Variants in CUL2 observed in about 807,000 individuals in gnomAD.
The protein encoded by CUL2 is cullin-2.
Under a neutral mutation model 110.2 loss-of-function variants are expected in CUL2, and 22 were observed. The ratio of observed to expected loss-of-function variants is 0.20; its 90% CI spans 0.14 to 0.28. The LOEUF (loss-of-function observed/expected upper bound fraction) is 0.28, where lower values mean the gene tolerates loss of function less well. Ranked by LOEUF, CUL2 falls within the 10% of genes least tolerant of loss-of-function variation. The probability of loss-of-function intolerance (pLI) is 1.00; values close to 1 mark genes in which losing one functional copy is unlikely to be tolerated. For synonymous variants in CUL2, 279 were observed against 293.2 expected, an observed-to-expected ratio of 0.95 and a Z score of 0.49; for missense variants, 631 against 905.5, an observed-to-expected ratio of 0.70 and a Z score of 3.89.
At chr10:35,110,522 A>G (rs913759649) in intron 1 of CUL2, among the ~76,000 whole-genome samples, 5 of 152,172 alleles carry the variant, frequency 3.3e-5, no homozygotes, top group Non-Finnish European at 7.3e-5. Flanking sequence ...CTAAGATCAC[A>G]CCACTGCACT....
upstream of CUL2, among the ~76,000 whole-genome samples, chr10:35,091,415 T>C (rs2087201354): frequency 6.6e-6 from 1 of 152,224 alleles, no homozygotes; most frequent in Non-Finnish European, 1.5e-5. Flanking sequence ...TTGAAGTCTC[T>C]ACTCTTTATT....
intron 1 of CUL2, among the ~76,000 whole-genome samples, chr10:35,071,775 C>T (rs989713893): frequency 2.6e-5 from 4 of 152,138 alleles, no homozygotes; most frequent in Middle Eastern, 3.4e-3. Flanking sequence ...GAAAAGAACC[C>T]GGCACACAAC....
At chr10:35,012,049 A>C in intron 19 of CUL2, 85 bp from the exon 20 acceptor site, 1 of 767,186 alleles carries the variant, frequency 1.3e-6, no homozygotes, top group South Asian at 1.9e-5. Flanking sequence ...AGTGAGTGCA[A>C]ATACTTTTTT....
intron 11 of CUL2, among the ~76,000 whole-genome samples, chr10:35,032,716 T>C (rs1170483739): frequency 1.3e-5 from 2 of 152,212 alleles, no homozygotes; most frequent in East Asian, 1.9e-4. Flanking sequence ...CAAGATATTC[T>C]GTAACTCATT....
At chr10:35,113,080 G>A (rs2087540724) in intron 1 of CUL2, among the ~76,000 whole-genome samples, 1 of 150,644 alleles carries the variant, frequency 6.6e-6, no homozygotes, top group African/African-American at 2.5e-5. Context: ...CTACTCTGGA[G>A]GTTGAGGCAG....
chr10:35,096,293 G>A (rs531396545), intron 2 of CUL2, among the ~76,000 whole-genome samples: 8 of 152,032 alleles, frequency 5.3e-5, no homozygotes, highest in Admixed American at 5.2e-4. Flanking sequence ...ACAAAAGTGC[G>A]AGTCTCTTTA....
chr10:35,058,108 T>C (rs2086288944), intron 4 of CUL2, among the ~76,000 whole-genome samples: 1 of 152,028 alleles, frequency 6.6e-6, no homozygotes, highest in Non-Finnish European at 1.5e-5. Context: ...AAATTAGTAA[T>C]AAAATTTTTA....
intron 14 of CUL2, among the ~76,000 whole-genome samples, chr10:35,030,824 TA>T (rs199633648): frequency 0.36 from 54,143 of 151,698 alleles, 11,734 homozygotes; most frequent in Middle Eastern, 0.49. Context: ...GCCCAGGAGT[TA>T]GAGTCCAGCC....
At chr10:35,025,401 T>C (rs976799591) in intron 16 of CUL2, among the ~76,000 whole-genome samples, 1 of 152,194 alleles carries the variant, frequency 6.6e-6, no homozygotes, top group African/African-American at 2.4e-5. Flanking sequence ...TCCAGCTCTT[T>C]TAATTGACAA....
At chr10:35,062,910 A>G (rs1479351181) in intron 3 of CUL2, 50 bp downstream of exon 3, 1 of 1,048,376 alleles carries the variant, frequency 9.5e-7, no homozygotes, top group Middle Eastern at 2.1e-4. Context: ...GTAAACTAGT[A>G]AAGTATACAA....
At chr10:35,076,219 T>C (rs1322768517) in intron 1 of CUL2, among the ~76,000 whole-genome samples, 1 of 152,078 alleles carries the variant, frequency 6.6e-6, no homozygotes, top group Non-Finnish European at 1.5e-5. Flanking sequence ...TTATCAAGAA[T>C]AGGCAAATCT....
At chr10:35,068,271 A>T (rs2086587476) in intron 2 of CUL2, among the ~76,000 whole-genome samples, 1 of 151,700 alleles carries the variant, frequency 6.6e-6, no homozygotes, top group African/African-American at 2.4e-5. Context: ...AAAATACAAA[A>T]ATTAGCCAGG....
Position 35,009,897 on chromosome 10 carries a change from A to G in CUL2, c.*414T>C, listed in dbSNP as rs2084856802. 6.6e-6 allele frequency: 1 copy of G among 152,238 alleles called. No individual in the cohort carries two copies. Among genetic ancestry groups the G allele is most frequent in the Admixed American group, 6.6e-5 (1 of 15,208 alleles). The allele number at this position is 152,238 out of a possible 1,614,324, so 9.4% of individuals were successfully genotyped here. On this transcript the variant is annotated 3_prime_UTR_variant, in exon 21 of 21. Coordinates refer to ENST00000374749, the MANE Select transcript of CUL2 (RefSeq NM_003591.4). ...TTTTTTTTATTTGACAAGCAGCAGT[A>G]TCATGTTTGTCATTTTAATGTAGAT... is the stretch of plus-strand genomic sequence containing the variant.
intron 1 of CUL2, among the ~76,000 whole-genome samples, chr10:35,080,956 G>A (rs575329041): frequency 6.6e-6 from 1 of 152,228 alleles, no homozygotes; most frequent in Non-Finnish European, 1.5e-5. Flanking sequence ...GCTCACACCT[G>A]TAATCCTAGT....
intron 18 of CUL2, 143 bp downstream of exon 18, chr10:35,016,049 C>T (rs2085023576): frequency 1.3e-5 from 9 of 671,610 alleles, no homozygotes; most frequent in Middle Eastern, 8.4e-4. Context: ...GCTCGCAGCT[C>T]TATGGAGCGT....
At chr10:35,052,767 C>T (rs1413575178) in intron 5 of CUL2, among the ~76,000 whole-genome samples, 3 of 151,750 alleles carry the variant, frequency 2.0e-5, no homozygotes, top group Admixed American at 6.6e-5. Flanking sequence ...TGGTGGCAGG[C>T]GCCTGTAGTC....
intron 1 of CUL2, among the ~76,000 whole-genome samples, chr10:35,077,985 T>G (rs1023821014): frequency 6.6e-6 from 1 of 152,166 alleles, no homozygotes; most frequent in African/African-American, 2.4e-5. Context: ...ATTCTTTTTT[T>G]GTATGTGTTT....
In CUL2 at chr10:35,124,931, C is replaced by T. The variant is rs1159081174; in HGVS notation, c.-51+1674G>A. On this transcript the variant is annotated intron_variant, in intron 1 of 5. Transcript: ENST00000685421. The stretch of plus-strand genomic sequence containing the variant: ...CAGAAAAGTAGGTGACCTAGTTGTC[C>T]CTCCCCAACAGAGAATTAACTATCA... Among the ~76,000 whole-genome samples the T allele has an allele frequency of 4.6e-5, 7 of 152,266 alleles. No homozygotes were observed. In the East Asian group the frequency reaches 5.8e-4, roughly 13 times the overall value.
At chr10:35,083,893 C>T (rs1034844857) in intron 1 of CUL2, among the ~76,000 whole-genome samples, 1 of 152,120 alleles carries the variant, frequency 6.6e-6, no homozygotes, top group Non-Finnish European at 1.5e-5. Flanking sequence ...ATGGCAAATC[C>T]ATGTTTCATT....
Sources: gnomAD v4.1 joint callset for allele counts (sites outside exome capture counted in the v4.1 genomes callset) on GRCh38, gnomAD v4.1.1 for gene constraint, MANE v1.5 for transcripts, NCBI Gene and HGNC (gene_info 2026-07-23, HGNC 2026-07-21) for gene names.